The following CNTNAP2 variants were observed in gnomAD, a reference collection of about 807,000 sequenced individuals.
CNTNAP2 encodes contactin-associated protein-like 2.
Under a neutral mutation model 155.2 loss-of-function variants are expected in CNTNAP2, and 98 were observed. The ratio of observed to expected loss-of-function variants is 0.63; its 90% CI spans 0.54 to 0.75. The LOEUF (loss-of-function observed/expected upper bound fraction) is 0.75. CNTNAP2 is among the 30% of genes least tolerant of loss of function. The probability of loss-of-function intolerance (pLI) is 0.00; values close to 1 mark genes in which losing one functional copy is unlikely to be tolerated. For missense variants in CNTNAP2, 1,727 were observed against 1,688.1 expected (o/e 1.02, Z -0.40); for synonymous variants, 651 against 631.2 (o/e 1.03, Z -0.47).
At chr7:146,839,686 C>G in intron 2 of CNTNAP2, 25 bp from the exon 3 acceptor site, 1 of 1,613,070 alleles carries the variant, frequency 6.2e-7, no homozygotes, top group Non-Finnish European at 8.5e-7. Context: ...ATTCATTTTC[C>G]CATCTTACCT....
chr7:148,120,087 A>C (rs1445363049), intron 16 of CNTNAP2, among the ~76,000 whole-genome samples: 3 of 150,880 alleles, frequency 2.0e-5, no homozygotes, highest in Non-Finnish European at 4.4e-5. Context: ...GAAAATTGCC[A>C]GTTCTATATT....
intron 8 of CNTNAP2, among the ~76,000 whole-genome samples, chr7:147,288,491 A>G (rs1212325591): frequency 6.6e-6 from 1 of 152,186 alleles, no homozygotes; most frequent in Non-Finnish European, 1.5e-5. Context: ...TCTTTAGAGA[A>G]CAGCTGAAAA....
chr7:147,913,788 G>C (rs186534382), intron 14 of CNTNAP2, among the ~76,000 whole-genome samples: 2 of 152,122 alleles, frequency 1.3e-5, no homozygotes, highest in African/African-American at 4.8e-5. Context: ...TGAAAAGAGC[G>C]TGTCTCCAGA....
At chr7:147,802,768 A>G (rs958962726) in intron 13 of CNTNAP2, among the ~76,000 whole-genome samples, 2 of 115,124 alleles carry the variant, frequency 1.7e-5, no homozygotes, top group Non-Finnish European at 3.4e-5. Flanking sequence ...AGACTGTGGA[A>G]AGGGGAGAGG....
At chr7:146,244,473 A>C (rs1273882752) in intron 1 of CNTNAP2, among the ~76,000 whole-genome samples, 4 of 152,196 alleles carry the variant, frequency 2.6e-5, no homozygotes, top group African/African-American at 9.7e-5. Flanking sequence ...ACAGGAGCTC[A>C]AATGGCCTGT....
At chr7:147,031,746 C>A (rs1012811571) in intron 3 of CNTNAP2, among the ~76,000 whole-genome samples, 1 of 152,128 alleles carries the variant, frequency 6.6e-6, no homozygotes, top group Non-Finnish European at 1.5e-5. Flanking sequence ...GGTGAAACCT[C>A]ATCTCTACTA....
At chr7:147,980,533 A>T (rs1478098032) in intron 15 of CNTNAP2, among the ~76,000 whole-genome samples, 2 of 152,094 alleles carry the variant, frequency 1.3e-5, no homozygotes, top group Non-Finnish European at 2.9e-5. Flanking sequence ...GAGAGAGAGA[A>T]ATCTCATTGT....
At chr7:147,996,889 T>C (rs1458503657) in intron 15 of CNTNAP2, among the ~76,000 whole-genome samples, 1 of 152,204 alleles carries the variant, frequency 6.6e-6, no homozygotes, top group Non-Finnish European at 1.5e-5. Context: ...AAAATTTATA[T>C]GTTGAAACCT....
intron 15 of CNTNAP2, among the ~76,000 whole-genome samples, chr7:148,095,305 C>T (rs1803940974): frequency 6.6e-6 from 1 of 152,216 alleles, no homozygotes; most frequent in South Asian, 2.1e-4. Flanking sequence ...ATGGAAACCT[C>T]AGTCAGGAGC....
chr7:147,071,731 G>T (rs1349225027), intron 4 of CNTNAP2, among the ~76,000 whole-genome samples: 1 of 152,184 alleles, frequency 6.6e-6, no homozygotes. Flanking sequence ...GGCACAGAAT[G>T]AATCAACTAG....
chr7:148,303,006 G>A (rs62470577), intron 21 of CNTNAP2, among the ~76,000 whole-genome samples: 91,219 of 151,274 alleles, frequency 0.6, 29,350 homozygotes, highest in East Asian at 0.76. Flanking sequence ...TTTAGTAGAG[G>A]CAGAGTTTCA....
chr7:147,719,670 AG>A (rs1315934222), intron 13 of CNTNAP2, among the ~76,000 whole-genome samples: 17 of 152,256 alleles, frequency 1.1e-4, no homozygotes, highest in Admixed American at 9.2e-4. Flanking sequence ...CAACACAACT[AG>A]GGAACTAAGT....
At chr7:146,345,660 A>C (rs1794808977) in intron 1 of CNTNAP2, among the ~76,000 whole-genome samples, 1 of 152,120 alleles carries the variant, frequency 6.6e-6, no homozygotes, top group Non-Finnish European at 1.5e-5. Context: ...ACTCCACTTC[A>C]CTTTCAATAT....
At chr7:147,639,947 C>T (rs1416996834) in intron 13 of CNTNAP2, among the ~76,000 whole-genome samples, 4 of 152,120 alleles carry the variant, frequency 2.6e-5, no homozygotes, top group Non-Finnish European at 5.9e-5. Flanking sequence ...TCCATATGCT[C>T]TGGGAGTCTT....
intron 4 of CNTNAP2, among the ~76,000 whole-genome samples, chr7:147,079,945 T>G (rs1800086736): frequency 6.6e-6 from 1 of 151,808 alleles, no homozygotes; most frequent in African/African-American, 2.4e-5. Flanking sequence ...GTGCTCTTTC[T>G]TGTAAAAGGG....
intron 13 of CNTNAP2, among the ~76,000 whole-genome samples, chr7:147,751,947 A>C (rs1797142331): frequency 6.6e-6 from 1 of 152,134 alleles, no homozygotes; most frequent in Non-Finnish European, 1.5e-5. Flanking sequence ...GTGCATATAC[A>C]AATCCACGGT....
chr7:146,365,733 A>G (rs1410934435), intron 1 of CNTNAP2, among the ~76,000 whole-genome samples: 1 of 152,168 alleles, frequency 6.6e-6, no homozygotes, highest in African/African-American at 2.4e-5. Context: ...TAAATTAATC[A>G]CGTGGTCAAA....
At position 146,721,518 on chromosome 7, in the gene CNTNAP2, CTATA is replaced by C. The variant is rs1232558866; in HGVS notation, c.98-52747_98-52744del. Among the ~76,000 whole-genome samples, 8 of 119,428 alleles carry C rather than the reference CTATA, an allele frequency of 6.7e-5. No homozygotes were observed. The East Asian group carries it at 1.8e-3, about 26-fold the overall frequency. The allele number at this position is 119,428 out of a possible 152,430, so 78.3% of individuals were successfully genotyped here. On this transcript the variant is annotated intron_variant, in intron 1 of 23. Transcript: ENST00000361727. ...TCTATATATATTCTATATATACATTCTATATATATTCTATATACATTCTATATAT... is the reference window on the plus strand; with the variant it reads ...TCTATATATATTCTATATATACATTCTATATTCTATATACATTCTATATAT...
intron 8 of CNTNAP2, among the ~76,000 whole-genome samples, chr7:147,138,785 T>C (rs544189472): frequency 6.6e-6 from 1 of 152,168 alleles, no homozygotes; most frequent in South Asian, 2.1e-4. Context: ...CCTTTTAAAA[T>C]GTTCTATGCC....
Sources: allele counts gnomAD v4.1 joint callset (sites outside exome capture counted in the v4.1 genomes callset), GRCh38; gene constraint gnomAD v4.1.1; transcripts MANE v1.5; gene names NCBI Gene and HGNC (gene_info 2026-07-23, HGNC 2026-07-21).